The following RPL27A variants were observed in gnomAD, a reference collection of about 807,000 sequenced individuals.
RPL27A encodes the protein large ribosomal subunit protein uL15.
For missense variants in RPL27A, 118 were observed against 189.4 expected (o/e 0.62, Z 2.21); for synonymous variants, 69 against 68.3 (o/e 1.01, Z -0.05).
intron 4 of RPL27A, 95 bp downstream of exon 4, chr11:8,684,987 A>G: frequency 8.5e-7 from 1 of 1,183,038 alleles, no homozygotes; most frequent in East Asian, 2.3e-5. Context: ...CTTCCCAGTT[A>G]CCTACCAGAC....
At position 8,685,871 on chromosome 11, in the gene RPL27A, T is replaced by C. The variant is rs899580064; in HGVS notation, c.*65T>C. The C allele has an allele frequency of 3.3e-6, 5 of 1,525,200 alleles. No homozygotes were observed. Among genetic ancestry groups the C allele is most frequent in the Non-Finnish European group, 4.5e-6 (5 of 1,109,256 alleles). 94.5% of individuals were successfully genotyped at this position (1,525,200 alleles called of 1,614,324 possible). A position where few individuals can be genotyped will look rare whatever the true frequency, so the allele number is the denominator to read the frequency against. ...TTCCTTGTGGTGTGAGTGTAGGTTC[T>C]TCAGTGGCACCTCTACATCCTGTGT... On this transcript the variant is annotated 3_prime_UTR_variant, in exon 5 of 5. Transcript: ENST00000314138.
rs2039581552 is a variant in RPL27A, at chr11:8,685,786, G to A, written c.427G>A (p.Ala143Thr). The A allele has an allele frequency of 1.2e-6, 2 of 1,613,774 alleles. No homozygotes were observed. Among genetic ancestry groups the A allele is most frequent in the Admixed American group, 1.7e-5 (1 of 60,002 alleles). ...GGAGAAGATTAAGAGTGTTGGGGGG[G>A]CCTGTGTCCTGGTGGCTTGAAGCCA... ...AEEKIKSVGG[A>T]CVLVA The change falls in exon 5 of 5, where the codon GCC (alanine) becomes ACC (threonine). Residue 143 changes from alanine (A) to threonine (T), a missense_variant. By Grantham distance (58) the Ala-to-Thr change is moderately conservative. Coordinates refer to ENST00000314138, the MANE Select transcript of RPL27A (RefSeq NM_000990.5).
intron 2 of RPL27A, 43 bp downstream of exon 2, chr11:8,683,308 C>G (rs1167317561): frequency 3.2e-6 from 5 of 1,566,472 alleles, no homozygotes; most frequent in Non-Finnish European, 4.4e-6. Context: ...GGGCTCTCTT[C>G]GGGTGCTTAG....
At chr11:8,683,164 A>C (rs3365) in intron 1 of RPL27A, 38 bp from the exon 2 acceptor site, 188,293 of 1,602,768 alleles carry the variant, frequency 0.12, 12,458 homozygotes, top group Non-Finnish European at 0.14. Flanking sequence ...CCCTGCCCCT[A>C]ATTCCTTAGG....
intron 1 of RPL27A, 158 bp downstream of exon 1, chr11:8,682,974 G>A: frequency 3.8e-6 from 4 of 1,043,452 alleles, no homozygotes; most frequent in Non-Finnish European, 5.6e-6. Context: ...CCGGGGCGGG[G>A]CTCCCGGAGC....
chr11:8,683,448 T>C (rs2039532075), intron 2 of RPL27A, 183 bp downstream of exon 2: 2 of 614,028 alleles, frequency 3.3e-6, no homozygotes, highest in South Asian at 3.9e-5. Context: ...ATCAGTGGGG[T>C]AATAGGAATT....
intron 4 of RPL27A, 45 bp downstream of exon 4, chr11:8,684,937 C>A (rs1368644589): frequency 1.3e-6 from 2 of 1,585,368 alleles, no homozygotes; most frequent in Non-Finnish European, 1.7e-6. Flanking sequence ...CCTTCCCTTA[C>A]AAAACTCTGG....
chr11:8,687,102 G>A lies in RPL27A; in HGVS notation c.*1296G>A, dbSNP rs2039593467. On this transcript the variant is annotated 3_prime_UTR_variant, in exon 5 of 5. Coordinates refer to ENST00000314138, the MANE Select transcript of RPL27A (RefSeq NM_000990.5). Reference sequence around the variant, plus strand: ...ACATAAGAATAGGCTAGAATTACAAGTAGTGAAACCTCGATTCAGCTGGAC... The same window carrying A: ...ACATAAGAATAGGCTAGAATTACAAATAGTGAAACCTCGATTCAGCTGGAC... The A allele has an allele frequency of 6.6e-6, 1 of 152,236 alleles. No individual in the cohort carries two copies. Among genetic ancestry groups the A allele is most frequent in the African/African-American group, 2.4e-5 (1 of 41,442 alleles). 9.4% of individuals were successfully genotyped at this position (152,236 alleles called of 1,614,324 possible). A position where few individuals can be genotyped will look rare whatever the true frequency, so the allele number is the denominator to read the frequency against.
rs2039533021 is a variant in RPL27A, at chr11:8,683,497, A to T, written c.67+232A>T. 3.1e-5 allele frequency: 18 copies of T among 586,076 alleles called. No individual in the cohort carries two copies. In the South Asian group the frequency reaches 3.7e-4, roughly 12 times the overall value. 36.3% of individuals were successfully genotyped at this position (586,076 alleles called of 1,614,324 possible). ...ATTGGGTTAGTTGAAGACATGGAGT[A>T]CTGTGGGAATGCTGTGATGTGGAAC... On this transcript the variant is annotated intron_variant, in intron 2 of 4. Coordinates refer to ENST00000314138, the MANE Select transcript of RPL27A (RefSeq NM_000990.5).
chr11:8,682,873 T>C lies in RPL27A; in HGVS notation c.3+57T>C. 3 of 1,573,804 alleles carry C rather than the reference T, an allele frequency of 1.9e-6. No individual in the cohort carries two copies. In the Admixed American group the frequency reaches 5.4e-5, roughly 28 times the overall value. ...TGCCGGCGGAGACCCCTAAGCTGTA[T>C]TCCCATTGCCCCTAGTCATCCACTC... On this transcript the variant is annotated intron_variant, in intron 1 of 4. Transcript: ENST00000314138.
At chr11:8,684,137 A>G in intron 3 of RPL27A, 56 bp downstream of exon 3, 2 of 1,448,822 alleles carry the variant, frequency 1.4e-6, no homozygotes, top group Non-Finnish European at 1.9e-6. Flanking sequence ...GGGCAGAGAG[A>G]GGGCTGGCTT....
intron 3 of RPL27A, 110 bp from the exon 4 acceptor site, chr11:8,684,608 C>A: frequency 1.1e-6 from 1 of 916,572 alleles, no homozygotes; most frequent in Non-Finnish European, 1.7e-6. Context: ...CCTGACACTG[C>A]TCTACACCAG....
chr11:8,682,846 C>G (rs375898901), intron 1 of RPL27A, 30 bp downstream of exon 1: 38 of 1,607,208 alleles, frequency 2.4e-5, no homozygotes, highest in Admixed American at 1.0e-4. Context: ...CCTCCTCTTC[C>G]TTGCCGGCGG....
intron 3 of RPL27A, 22 bp from the exon 4 acceptor site, chr11:8,684,696 G>C (rs545929904): frequency 6.2e-7 from 1 of 1,609,598 alleles, no homozygotes; most frequent in Non-Finnish European, 8.5e-7. Context: ...TGTGTATGAA[G>C]GTGGTTGTTA....
In RPL27A at chr11:8,684,096, A is replaced by T. The variant is rs554814319; in HGVS notation, c.143+15A>T. 7 of 1,608,468 alleles carry T rather than the reference A, an allele frequency of 4.4e-6. No individual in the cohort carries two copies. In the South Asian group the frequency reaches 7.7e-5, roughly 18 times the overall value. On this transcript the variant is annotated intron_variant, in intron 3 of 4. Transcript: ENST00000314138. ...TTCGACAAATAGTAAGTGTCCTTGG[A>T]CTGCTTTTATTGACACAGCTTGGGA...
chr11:8,684,736 G>A lies in RPL27A; in HGVS notation c.162G>A (p.Gly54=). ...TTCCTAGCCACCCAGGCTACTTTGGGAAAGTTGGTATGAAGCATTACCACT... is the reference window on the plus strand; with the variant it reads ...TTCCTAGCCACCCAGGCTACTTTGGAAAAGTTGGTATGAAGCATTACCACT... ...NFDKYHPGYF[G]KVGMKHYHLK... The change falls in exon 4 of 5, where the codon GGG becomes GGA. Residue 54 remains glycine, a synonymous_variant. Coordinates refer to ENST00000314138, the MANE Select transcript of RPL27A (RefSeq NM_000990.5). 6.2e-7 allele frequency: 1 copy of A among 1,613,958 alleles called. No homozygotes were observed. The highest frequency in any genetic ancestry group is 1.1e-5 in the South Asian group (1 of 91,078).
chr11:8,685,407 G>A, intron 4 of RPL27A: 1 of 624,940 alleles, frequency 1.6e-6, no homozygotes, highest in Non-Finnish European at 3.0e-6. Flanking sequence ...TGCTTAGCAG[G>A]GGGTATTTGA....
intron 4 of RPL27A, chr11:8,685,301 A>G: frequency 2.1e-6 from 1 of 481,942 alleles, no homozygotes; most frequent in African/African-American, 2.0e-5. Flanking sequence ...GGTAGTGTTA[A>G]GAGGCCAGAA....
intron 4 of RPL27A, 72 bp downstream of exon 4, chr11:8,684,964 TA>T (rs1431384056): frequency 1.2e-5 from 17 of 1,416,806 alleles, no homozygotes; most frequent in Non-Finnish European, 1.5e-5. Flanking sequence ...CTAATCCACT[TA>T]TATAATCTGT....
Sources: gnomAD v4.1 joint callset for allele counts on GRCh38, gnomAD v4.1.1 for gene constraint, MANE v1.5 for transcripts, NCBI Gene and HGNC (gene_info 2026-07-23, HGNC 2026-07-21) for gene names.